Variants in PDE4D observed in about 807,000 individuals in gnomAD.
PDE4D encodes the protein phosphodiesterase 4D.
A neutral mutation model predicts 87.4 loss-of-function variants in PDE4D; 24 were observed. The observed-to-expected ratio is 0.27, with a 90% CI of 0.20 to 0.39. The LOEUF is 0.39. PDE4D is among the 10% of genes least tolerant of loss of function. The probability of loss-of-function intolerance (pLI) is 1.00; values close to 1 mark genes in which losing one functional copy is unlikely to be tolerated. For missense variants in PDE4D, 714 were observed against 1,041.0 expected (o/e 0.69, Z 4.32); for synonymous variants, 384 against 383.2 (o/e 1.00, Z -0.02).
chr5:59,309,826 T>G (rs1219042372), intron 1 of PDE4D, among the ~76,000 whole-genome samples: 1 of 152,146 alleles, frequency 6.6e-6, no homozygotes, highest in African/African-American at 2.4e-5. Context: ...TCTCAGACAA[T>G]AAGAACCAAA....
intron 1 of PDE4D, among the ~76,000 whole-genome samples, chr5:60,270,699 T>C (rs557454686): frequency 7.2e-6 from 1 of 139,078 alleles, no homozygotes; most frequent in African/African-American, 2.9e-5. Context: ...CTCCATGACA[T>C]AGTAAAGCCA....
At chr5:59,420,525 G>C (rs1210193096) in intron 1 of PDE4D, among the ~76,000 whole-genome samples, 1 of 152,078 alleles carries the variant, frequency 6.6e-6, no homozygotes, top group Non-Finnish European at 1.5e-5. Flanking sequence ...CCAGAGGGAA[G>C]ACTTTGCTGA....
At position 59,799,765 on chromosome 5, in the gene PDE4D, G is replaced by A. The variant is rs1254505954; in HGVS notation, c.455+93403C>T. 4.6e-5 allele frequency among the ~76,000 whole-genome samples: 7 copies of A among 152,258 alleles called. No homozygotes were observed. In the East Asian group the frequency reaches 1.4e-3, roughly 29 times the overall value. On this transcript the variant is annotated intron_variant, in intron 1 of 14. Transcript: ENST00000340635. ...AATACTGTAAAATTTTGGCAATGTG[G>A]TATCTATACCAGGCAACTACAACTT... is the stretch of plus-strand genomic sequence containing the variant.
chr5:60,168,604 G>A (rs1478077239), intron 2 of PDE4D, among the ~76,000 whole-genome samples: 2 of 152,292 alleles, frequency 1.3e-5, no homozygotes, highest in Non-Finnish European at 2.9e-5. Context: ...GGATGCTCAT[G>A]TCCCTGATAC....
chr5:59,614,357 GTAT>G (rs1218438361), intron 1 of PDE4D, among the ~76,000 whole-genome samples: 2 of 152,120 alleles, frequency 1.3e-5, no homozygotes, highest in African/African-American at 4.8e-5. Flanking sequence ...TTCAAGCTTT[GTAT>G]TATCATAGAA....
rs562806824 is a variant in PDE4D at position 59,914,949 on chromosome 5, G to T, written c.272+73539C>A. Among the ~76,000 whole-genome samples, 8 of 147,836 alleles carry T rather than the reference G, an allele frequency of 5.4e-5. No homozygotes were observed. The South Asian group carries it at 1.8e-3, about 33-fold the overall frequency. ...AGGAAAGAAAGGAAAAGAAATTGAA[G>T]ATGTTTGGTCTTAGCAACCCAAATT... On this transcript the variant is annotated intron_variant, in intron 3 of 16. Coordinates refer to the PDE4D transcript ENST00000502484.
intron 2 of PDE4D, among the ~76,000 whole-genome samples, chr5:60,077,911 G>A (rs768056799): frequency 2.0e-5 from 3 of 152,108 alleles, no homozygotes; most frequent in Non-Finnish European, 2.9e-5. Context: ...ACCAGGAACC[G>A]GTCCTGGTGT....
chr5:59,431,063 A>G (rs1405451317), intron 1 of PDE4D, among the ~76,000 whole-genome samples: 2 of 152,122 alleles, frequency 1.3e-5, no homozygotes, highest in Non-Finnish European at 2.9e-5. Flanking sequence ...AACGGTAAGC[A>G]ATGTCTTTAT....
At chr5:59,668,128 G>A (rs928340160) in intron 1 of PDE4D, among the ~76,000 whole-genome samples, 11 of 152,214 alleles carry the variant, frequency 7.2e-5, no homozygotes, top group African/African-American at 2.7e-4. Context: ...GAGGAAATAT[G>A]TCAATTCTGT....
At chr5:59,922,637 C>G (rs187369580) in intron 3 of PDE4D, among the ~76,000 whole-genome samples, 1 of 152,142 alleles carries the variant, frequency 6.6e-6, no homozygotes, top group Non-Finnish European at 1.5e-5. Context: ...GGGAAGGAAG[C>G]AGTCCTGGCA....
chr5:60,336,422 T>A (rs1001384892), intron 1 of PDE4D, among the ~76,000 whole-genome samples: 1 of 152,216 alleles, frequency 6.6e-6, no homozygotes, highest in Non-Finnish European at 1.5e-5. Context: ...TTCATTTTCT[T>A]AAGGGTAGAA....
rs1439580017 is a variant in PDE4D, at chr5:59,603,855, G to A, written c.455+289313C>T. The stretch of plus-strand genomic sequence containing the variant: ...TCTATTGTACAATATGGTGATTCTA[G>A]TCAATAACAATATGTTGTATTCTTG... On this transcript the variant is annotated intron_variant, in intron 1 of 14. Coordinates refer to ENST00000340635, the MANE Select transcript of PDE4D (RefSeq NM_001104631.2). Among the ~76,000 whole-genome samples the A allele has an allele frequency of 3.3e-5, 5 of 151,940 alleles. No individual in the cohort carries two copies. The East Asian group carries it at 9.6e-4, about 29-fold the overall frequency.
chr5:59,099,267 T>C (rs764207010), intron 5 of PDE4D, among the ~76,000 whole-genome samples: 37 of 152,274 alleles, frequency 2.4e-4, no homozygotes, highest in Middle Eastern at 3.4e-3. Context: ...GCCAAAGAAC[T>C]AGGTGCAGAA....
chr5:59,253,607 A>C (rs1760415160), intron 1 of PDE4D, among the ~76,000 whole-genome samples: 1 of 152,250 alleles, frequency 6.6e-6, no homozygotes, highest in South Asian at 2.1e-4. Flanking sequence ...TTTAACTCTA[A>C]GTAAAGTCTG....
chr5:60,233,672 T>C (rs778907030), intron 1 of PDE4D, among the ~76,000 whole-genome samples: 4 of 151,852 alleles, frequency 2.6e-5, no homozygotes, highest in Admixed American at 6.6e-5. Flanking sequence ...CTATATTTAT[T>C]TATTTCTCAA....
chr5:59,512,407 TG>T (rs1390367659), intron 1 of PDE4D, among the ~76,000 whole-genome samples: 1 of 152,172 alleles, frequency 6.6e-6, no homozygotes. Flanking sequence ...TGAGGAGTCA[TG>T]GAGCTCCATA....
chr5:60,419,168 T>C (rs1205056605), intron 1 of PDE4D, among the ~76,000 whole-genome samples: 1 of 152,200 alleles, frequency 6.6e-6, no homozygotes, highest in Non-Finnish European at 1.5e-5. Flanking sequence ...TACTGGCATA[T>C]ACCAAATGGT....
At chr5:59,585,132 T>C (rs1297970957) in intron 1 of PDE4D, among the ~76,000 whole-genome samples, 1 of 151,996 alleles carries the variant, frequency 6.6e-6, no homozygotes, top group African/African-American at 2.4e-5. Flanking sequence ...GTAGCTCTGG[T>C]CAGCAAAAAA....
intron 1 of PDE4D, among the ~76,000 whole-genome samples, chr5:59,700,657 C>G (rs1227010140): frequency 6.6e-6 from 1 of 152,128 alleles, no homozygotes; most frequent in Non-Finnish European, 1.5e-5. Flanking sequence ...GAACCTCAAT[C>G]CCCTTATTAC....
Sources: allele counts gnomAD v4.1 joint callset (sites outside exome capture counted in the v4.1 genomes callset), GRCh38; gene constraint gnomAD v4.1.1; transcripts MANE v1.5; gene names NCBI Gene and HGNC (gene_info 2026-07-23, HGNC 2026-07-21).